The following BLNK variants were observed in gnomAD, a reference collection of about 807,000 sequenced individuals.
The protein encoded by BLNK is B-cell linker protein.
Under a neutral mutation model 73.5 loss-of-function variants are expected in BLNK, and 29 were observed. The ratio of observed to expected loss-of-function variants is 0.39; its 90% CI spans 0.29 to 0.54. The LOEUF (loss-of-function observed/expected upper bound fraction) is 0.54, where lower values mean the gene tolerates loss of function less well. BLNK is among the 20% of genes least tolerant of loss of function. The pLI is 0.61. For missense variants in BLNK, 460 were observed against 562.8 expected (o/e 0.82, Z 1.85); for synonymous variants, 176 against 200.8 (o/e 0.88, Z 1.04).
intron 16 of BLNK, among the ~76,000 whole-genome samples, chr10:96,195,493 A>C (rs1037809319): frequency 1.3e-5 from 2 of 152,244 alleles, no homozygotes; most frequent in Non-Finnish European, 2.9e-5. Flanking sequence ...AAGGAAGGAA[A>C]TCCTAACACA....
chr10:96,264,171 AAC>A (rs781941099), intron 1 of BLNK, among the ~76,000 whole-genome samples: 2 of 152,202 alleles, frequency 1.3e-5, no homozygotes, highest in African/African-American at 2.4e-5. Flanking sequence ...TGACAGAGCA[AAC>A]ACAGAGAAGC....
chr10:96,204,777 T>C (rs2083751563), intron 11 of BLNK, 161 bp from the exon 12 acceptor site: 7 of 663,854 alleles, frequency 1.1e-5, no homozygotes, highest in Non-Finnish European at 1.9e-5. Context: ...TGCCAGTCTG[T>C]TGATGTGGTT....
chr10:96,233,561 C>T (rs921904453), intron 3 of BLNK, among the ~76,000 whole-genome samples: 2 of 152,186 alleles, frequency 1.3e-5, no homozygotes, highest in South Asian at 4.1e-4. Context: ...AGACAGCTTC[C>T]TCCTCCCGTT....
intron 8 of BLNK, among the ~76,000 whole-genome samples, chr10:96,210,715 C>G (rs868975244): frequency 8.5e-5 from 13 of 152,122 alleles, no homozygotes; most frequent in Middle Eastern, 6.4e-3. Flanking sequence ...CCTCAGCATC[C>G]CCTAGCTGCC....
rs781944287 is a variant in BLNK, at chr10:96,204,668, TC to T, written c.818-53del. On this transcript the variant is annotated intron_variant, in intron 11 of 16. Coordinates refer to ENST00000224337, the MANE Select transcript of BLNK (RefSeq NM_013314.4). ...GATTAGAGTGAAATGTCTGTCCTCA[TC>T]CCAAAACCCAGCAACATCAGCTGAG... The T allele has an allele frequency of 1.9e-5, 30 of 1,578,910 alleles. No individual in the cohort carries two copies. In the African/African-American group the frequency reaches 3.6e-4, roughly 19 times the overall value.
chr10:96,219,157 C>T (rs922283823), intron 6 of BLNK, among the ~76,000 whole-genome samples: 1 of 152,224 alleles, frequency 6.6e-6, no homozygotes, highest in African/African-American at 2.4e-5. Context: ...AAGGGCAGGG[C>T]CTTCTCCTTC....
rs781854815 is a variant in BLNK, at chr10:96,223,983, C to G, written c.368G>C (p.Arg123Pro). 2 of 1,612,712 alleles carry G rather than the reference C, an allele frequency of 1.2e-6. No individual in the cohort carries two copies. Among genetic ancestry groups the G allele is most frequent in the South Asian group, 1.1e-5 (1 of 90,980 alleles). ...GGGTGGGGAATGCCTCTGGCTTGATCGATTGTCTTGAAAGGAACAAACAAA... is the reference window on the plus strand; with the variant it reads ...GGGTGGGGAATGCCTCTGGCTTGATGGATTGTCTTGAAAGGAACAAACAAA... ...PFARGEYIDN[R>P]SSQRHSPPFS... Residue 123 changes from arginine (R) to proline (P), a missense_variant, in exon 6 of 17, where the codon CGA becomes CCA. By Grantham distance (103) the Arg-to-Pro change is moderately radical. Around this residue, in one of 3 missense-constraint regions of BLNK, gnomAD observed 139 missense variants for 187.3 expected, o/e 0.74. Coordinates refer to ENST00000224337, the MANE Select transcript of BLNK (RefSeq NM_013314.4).
intron 16 of BLNK, among the ~76,000 whole-genome samples, chr10:96,194,170 G>C (rs1364342034): frequency 3.9e-5 from 6 of 152,156 alleles, no homozygotes; most frequent in African/African-American, 1.2e-4. Context: ...CAAAATTTGT[G>C]AGAGAATTTC....
At chr10:96,220,793 T>C (rs1243907907) in intron 6 of BLNK, among the ~76,000 whole-genome samples, 3 of 152,214 alleles carry the variant, frequency 2.0e-5, no homozygotes, top group African/African-American at 4.8e-5. Context: ...TAAAAATAGA[T>C]TAAAAATCAT....
chr10:96,238,439 G>T (rs1283290049), intron 3 of BLNK, among the ~76,000 whole-genome samples: 1 of 152,190 alleles, frequency 6.6e-6, no homozygotes, highest in Non-Finnish European at 1.5e-5. Flanking sequence ...GCCTTTGGTG[G>T]ATCAAGTGCT....
At chr10:96,244,689 T>C (rs1842986037) in intron 2 of BLNK, among the ~76,000 whole-genome samples, 1 of 152,198 alleles carries the variant, frequency 6.6e-6, no homozygotes, top group East Asian at 1.9e-4. Flanking sequence ...GGGTAATGAC[T>C]ATGGTGGCCA....
intron 13 of BLNK, among the ~76,000 whole-genome samples, chr10:96,201,495 T>C (rs1554896135): frequency 1.3e-5 from 2 of 152,242 alleles, no homozygotes; most frequent in Non-Finnish European, 2.9e-5. Context: ...TAACATGTAA[T>C]GAGTTTAATA....
At chr10:96,195,176 G>A (rs1332253006) in intron 16 of BLNK, among the ~76,000 whole-genome samples, 1 of 152,190 alleles carries the variant, frequency 6.6e-6, no homozygotes, top group Non-Finnish European at 1.5e-5. Context: ...TGCTGGTGGG[G>A]ATGTGAAGAA....
intron 6 of BLNK, among the ~76,000 whole-genome samples, chr10:96,222,834 G>A (rs1242855518): frequency 6.6e-6 from 1 of 152,188 alleles, no homozygotes; most frequent in Non-Finnish European, 1.5e-5. Context: ...GCAAGGTGGC[G>A]ACAGTGTTAC....
At chr10:96,205,010 T>A (rs1344478664) in intron 11 of BLNK, 1 of 303,470 alleles carries the variant, frequency 3.3e-6, no homozygotes, top group Non-Finnish European at 6.4e-6. Flanking sequence ...GACAACACCC[T>A]GGTGGGTCTT....
At chr10:96,260,795 C>T (rs1391826672) in intron 1 of BLNK, among the ~76,000 whole-genome samples, 1 of 151,828 alleles carries the variant, frequency 6.6e-6, no homozygotes, top group Non-Finnish European at 1.5e-5. Flanking sequence ...TCATTAAAAG[C>T]ATCTACAAAT....
At chr10:96,243,318 G>A (rs1227941382) in intron 2 of BLNK, among the ~76,000 whole-genome samples, 5 of 152,172 alleles carry the variant, frequency 3.3e-5, no homozygotes, top group African/African-American at 7.2e-5. Context: ...GCCAAGGCAG[G>A]AGGATCACTT....
Position 96,215,405 on chromosome 10 carries a change from G to T in BLNK, c.608-16C>A. ...ACCATGGGAGCTTAAACACAGAAAT[G>T]TGTGTGTATATATATATATATATAT... On this transcript the variant is annotated splice_polypyrimidine_tract_variant and intron_variant, in intron 7 of 16. Transcript: ENST00000224337. The T allele has an allele frequency of 6.5e-7, 1 of 1,549,908 alleles. No homozygotes were observed. Among genetic ancestry groups the T allele is most frequent in the South Asian group, 1.1e-5 (1 of 89,912 alleles).
At chr10:96,203,806 G>T in intron 13 of BLNK, 2 of 328,534 alleles carry the variant, frequency 6.1e-6, no homozygotes, top group Non-Finnish European at 1.1e-5. Flanking sequence ...GTTAAAAAAG[G>T]ATGCATGATC....
Sources: gnomAD v4.1 joint callset for allele counts (sites outside exome capture counted in the v4.1 genomes callset) on GRCh38, gnomAD v4.1.1 for gene constraint, gnomAD v4.1.1 regional missense constraint, MANE v1.5 for transcripts, NCBI Gene and HGNC (gene_info 2026-07-23, HGNC 2026-07-21) for gene names.